Variants in ROBO2 observed in about 807,000 individuals in gnomAD.
ROBO2 encodes the protein roundabout guidance receptor 2.
In ROBO2, 53 loss-of-function variants were observed where a neutral mutation model predicts 160.8. That is an observed-to-expected ratio of 0.33 (90% CI 0.26 to 0.41). The LOEUF (loss-of-function observed/expected upper bound fraction) is 0.41, where lower values mean the gene tolerates loss of function less well. ROBO2 is among the 10% of genes least tolerant of loss of function. ROBO2 has a pLI of 1.00. For missense variants in ROBO2, 1,577 were observed against 1,722.4 expected (o/e 0.92, Z 1.49); for synonymous variants, 664 against 611.7 (o/e 1.09, Z -1.26).
chr3:76,486,294 T>G (rs922133094), intron 2 of ROBO2, among the ~76,000 whole-genome samples: 1 of 152,196 alleles, frequency 6.6e-6, no homozygotes, highest in Non-Finnish European at 1.5e-5. Flanking sequence ...TGAGCTCTTA[T>G]GCAGAGAGCC....
intron 2 of ROBO2, among the ~76,000 whole-genome samples, chr3:76,478,482 G>T (rs554028233): frequency 6.6e-6 from 1 of 151,788 alleles, no homozygotes; most frequent in African/African-American, 2.4e-5. Context: ...CTAGCCATAC[G>T]TAGAAAGCTG....
intron 2 of ROBO2, among the ~76,000 whole-genome samples, chr3:77,291,407 ATAGT>A (rs1197544172): frequency 6.6e-6 from 1 of 151,882 alleles, no homozygotes; most frequent in East Asian, 1.9e-4. Context: ...AGTAAAATTG[ATAGT>A]TAAACGGGTA....
At chr3:76,271,668 G>T (rs569032677) in intron 2 of ROBO2, among the ~76,000 whole-genome samples, 4 of 151,740 alleles carry the variant, frequency 2.6e-5, no homozygotes, top group Admixed American at 1.3e-4. Context: ...ATATGCATCT[G>T]TTAGAATTAT....
At chr3:76,465,155 G>C (rs1368097055) in intron 2 of ROBO2, among the ~76,000 whole-genome samples, 3 of 152,026 alleles carry the variant, frequency 2.0e-5, no homozygotes, top group African/African-American at 7.2e-5. Flanking sequence ...TAAGAACAAA[G>C]TGTATTGAAG....
At chr3:76,523,530 C>T (rs2081759049) in intron 2 of ROBO2, among the ~76,000 whole-genome samples, 1 of 152,126 alleles carries the variant, frequency 6.6e-6, no homozygotes, top group African/African-American at 2.4e-5. Context: ...GCCATCTCCA[C>T]AGCTGCATCT....
At chr3:76,504,171 T>C (rs888890382) in intron 2 of ROBO2, among the ~76,000 whole-genome samples, 1 of 152,354 alleles carries the variant, frequency 6.6e-6, no homozygotes, top group Admixed American at 6.5e-5. Context: ...TGTTTTACAA[T>C]GTTTGGCCAC....
At chr3:76,585,994 T>C (rs1382078857) in intron 2 of ROBO2, among the ~76,000 whole-genome samples, 2 of 152,206 alleles carry the variant, frequency 1.3e-5, no homozygotes, top group Non-Finnish European at 2.9e-5. Context: ...CCTAGTGTCC[T>C]TAACAGGATA....
At position 76,820,490 on chromosome 3, in the gene ROBO2, A is replaced by G. The variant is rs537159855; in HGVS notation, c.110-277524A>G. The stretch of plus-strand genomic sequence containing the variant: ...ACTTTCTTAAGATTATATTTAATTT[A>G]TAGCCATCCTGGTAGGGCCAATAAA... On this transcript the variant is annotated intron_variant, in intron 2 of 26. Transcript: ENST00000487694. 3.3e-5 allele frequency among the ~76,000 whole-genome samples: 5 copies of G among 152,186 alleles called. No individual in the cohort carries two copies. In the South Asian group the frequency reaches 1.0e-3, roughly 32 times the overall value.
At chr3:76,675,469 A>G (rs1259866816) in intron 2 of ROBO2, among the ~76,000 whole-genome samples, 1 of 152,224 alleles carries the variant, frequency 6.6e-6, no homozygotes, top group Non-Finnish European at 1.5e-5. Context: ...TGCATATGGC[A>G]TTTTATATAT....
intron 2 of ROBO2, among the ~76,000 whole-genome samples, chr3:76,748,329 A>G (rs2093926144): frequency 6.6e-6 from 1 of 151,756 alleles, no homozygotes; most frequent in South Asian, 2.1e-4. Context: ...AGAGAAAAGT[A>G]ATGATTAATA....
intron 2 of ROBO2, among the ~76,000 whole-genome samples, chr3:76,551,711 G>A (rs984708433): frequency 1.3e-5 from 2 of 152,102 alleles, no homozygotes; most frequent in African/African-American, 2.4e-5. Context: ...GCACCACCAT[G>A]TTCCCCTTGT....
intron 6 of ROBO2, among the ~76,000 whole-genome samples, chr3:77,531,441 TA>T (rs2091720782): frequency 2.6e-5 from 4 of 151,916 alleles, no homozygotes; most frequent in Non-Finnish European, 5.9e-5. Context: ...CCACAGTAAT[TA>T]AATATACTAT....
intron 1 of ROBO2, among the ~76,000 whole-genome samples, chr3:77,081,753 G>A (rs987364458): frequency 6.6e-6 from 1 of 152,202 alleles, no homozygotes; most frequent in South Asian, 2.1e-4. Context: ...TAATGTAGAA[G>A]TGCTATATAG....
chr3:77,084,339 G>A (rs969914390), intron 1 of ROBO2, among the ~76,000 whole-genome samples: 2 of 151,978 alleles, frequency 1.3e-5, no homozygotes, highest in African/African-American at 4.8e-5. Context: ...CAGATTTTCA[G>A]TTGCTGGTTG....
intron 2 of ROBO2, among the ~76,000 whole-genome samples, chr3:76,048,926 C>T (rs2067548565): frequency 6.6e-6 from 1 of 152,160 alleles, no homozygotes; most frequent in Non-Finnish European, 1.5e-5. Context: ...TAGCACACCA[C>T]AGAAAGTTAC....
chr3:77,333,578 A>T (rs55689006), intron 2 of ROBO2, among the ~76,000 whole-genome samples: 1 of 152,160 alleles, frequency 6.6e-6, no homozygotes, highest in Non-Finnish European at 1.5e-5. Context: ...GCCATTGCTC[A>T]TGTGACTCAT....
At chr3:76,846,767 C>T (rs2068813039) in intron 2 of ROBO2, among the ~76,000 whole-genome samples, 1 of 152,084 alleles carries the variant, frequency 6.6e-6, no homozygotes, top group Non-Finnish European at 1.5e-5. Context: ...AAGTTGTATA[C>T]ATTTTCACTT....
At chr3:76,314,771 A>C (rs2071867640) in intron 2 of ROBO2, among the ~76,000 whole-genome samples, 1 of 152,108 alleles carries the variant, frequency 6.6e-6, no homozygotes, top group African/African-American at 2.4e-5. Context: ...GTTAATCAAC[A>C]GTTTATGTTA....
intron 2 of ROBO2, among the ~76,000 whole-genome samples, chr3:77,460,699 G>C (rs952287800): frequency 6.6e-6 from 1 of 151,826 alleles, no homozygotes; most frequent in Non-Finnish European, 1.5e-5. Flanking sequence ...GGAATTCAGG[G>C]GAGAATAAAA....
Sources: gnomAD v4.1 joint callset for allele counts (sites outside exome capture counted in the v4.1 genomes callset) on GRCh38, gnomAD v4.1.1 for gene constraint, MANE v1.5 for transcripts, NCBI Gene and HGNC (gene_info 2026-07-23, HGNC 2026-07-21) for gene names.